The following SQSTM1 variants were observed in gnomAD, a reference collection of about 807,000 sequenced individuals.
SQSTM1 encodes sequestosome 1, also known as sequestosome-1.
SQSTM1 carries 36 observed loss-of-function variants against 45.1 expected under a neutral mutation model. That is an observed-to-expected ratio of 0.80 (90% CI 0.61 to 1.05). The LOEUF is 1.05. Ranked by LOEUF, SQSTM1 falls within the 50% of genes least tolerant of loss-of-function variation. SQSTM1 has a pLI of 0.00. For synonymous variants in SQSTM1, 290 were observed against 244.3 expected, an observed-to-expected ratio of 1.19 and a Z score of -1.74; for missense variants, 617 against 607.1, an observed-to-expected ratio of 1.02 and a Z score of -0.17.
intron 7 of SQSTM1, chr5:179,836,189 T>C (rs1758545318): frequency 1.7e-6 from 1 of 594,238 alleles, no homozygotes; most frequent in Non-Finnish European, 3.0e-6. Flanking sequence ...TCAGTGTCCA[T>C]TGATGGTTCT....
Position 179,806,914 on chromosome 5 carries a change from G to A in SQSTM1, c.-157+323G>A, listed in dbSNP as rs1300018443. ...GGCCGGGCCGGGCCGGGCTGGGCTG[G>A]GCTGGGCGGCGAGAGCCGCGGCCCG... On this transcript the variant is annotated intron_variant, in intron 1 of 5. Transcript: ENST00000514093. This position sits in a 1 kb window ranked among gnomAD's most constrained non-coding sequence, Gnocchi z 4.6. The A allele has an allele frequency of 1.3e-5, 2 of 150,736 alleles. No homozygotes were observed. The highest frequency in any genetic ancestry group is 4.8e-5 in the African/African-American group (2 of 41,240). 9.3% of individuals were successfully genotyped at this position (150,736 alleles called of 1,614,324 possible).
rs1757751804 is a variant in SQSTM1 at position 179,820,981 on chromosome 5, C to T, written c.45C>T (p.Asp15=). Reference sequence around the variant, plus strand: ...AGGCCTACCTTCTGGGCAAGGAGGACGCGGCGCGCGAGATTCGCCGCTTCA... The same window carrying T: ...AGGCCTACCTTCTGGGCAAGGAGGATGCGGCGCGCGAGATTCGCCGCTTCA... ...TVKAYLLGKE[D]AAREIRRFSF... is the part of the protein sequence containing the mutation. Residue 15 remains aspartate, a synonymous_variant, in exon 1 of 8, where the codon GAC becomes GAT. Coordinates refer to ENST00000389805, the MANE Select transcript of SQSTM1 (RefSeq NM_003900.5). 2.5e-6 allele frequency: 4 copies of T among 1,574,262 alleles called. No individual in the cohort carries two copies. In the African/African-American group the frequency reaches 4.2e-5, roughly 17 times the overall value.
intron 1 of SQSTM1, among the ~76,000 whole-genome samples, chr5:179,809,279 C>T (rs1757319235): frequency 4.0e-5 from 6 of 149,502 alleles, no homozygotes; most frequent in Admixed American, 1.3e-4. Context: ...CTGCCTCAGC[C>T]TCCCGAGTAG....
At chr5:179,817,221 C>T (rs1757609580), upstream of SQSTM1, among the ~76,000 whole-genome samples, 1 of 152,244 alleles carries the variant, frequency 6.6e-6, no homozygotes, top group South Asian at 2.1e-4. Context: ...ATCCCTTGCG[C>T]CCCGAGCTGG....
intron 1 of SQSTM1, among the ~76,000 whole-genome samples, chr5:179,809,895 C>T (rs988505525): frequency 4.0e-5 from 6 of 151,548 alleles, no homozygotes; most frequent in African/African-American, 1.5e-4. Flanking sequence ...CCACCTGCCT[C>T]AGCCTCCCAA....
upstream of SQSTM1, among the ~76,000 whole-genome samples, chr5:179,817,784 C>T (rs182589572): frequency 8.5e-4 from 130 of 152,114 alleles, no homozygotes; most frequent in South Asian, 2.9e-3. Context: ...CCGAGGTGGG[C>T]GGATCACCTG....
chr5:179,813,976 C>T (rs571950084), upstream of SQSTM1, among the ~76,000 whole-genome samples: 34 of 152,312 alleles, frequency 2.2e-4, no homozygotes, highest in African/African-American at 7.7e-4. Flanking sequence ...GGTTTACGAG[C>T]TCTCAATTCT....
chr5:179,833,744 G>A lies in SQSTM1; in HGVS notation c.1127G>A (p.Gly376Glu). The A allele has an allele frequency of 6.2e-7, 1 of 1,614,100 alleles. No individual in the cohort carries two copies. The highest frequency in any genetic ancestry group is 8.5e-7 in the Non-Finnish European group (1 of 1,180,024). Residue 376 changes from glycine to glutamate, a missense_variant, in exon 7 of 8, where the codon GGG becomes GAG. Physicochemically the swap from Gly to Glu is moderately conservative, Grantham distance 98. Coordinates refer to ENST00000389805, the MANE Select transcript of SQSTM1 (RefSeq NM_003900.5). ...GACCCCTCCCAGGAGGGACCCACAG[G>A]GCTGAAGGAAGCTGCCTTGTACCCA... Reference protein sequence around the residue: ...SLDPSQEGPTGLKEAALYPHL... With the variant: ...SLDPSQEGPTELKEAALYPHL...
chr5:179,833,284 C>T (rs1380280370), intron 6 of SQSTM1, 38 bp downstream of exon 6: 2 of 1,531,200 alleles, frequency 1.3e-6, no homozygotes, highest in Admixed American at 2.0e-5. Context: ...GGACCACGGC[C>T]AGCCTAGTGA....
chr5:179,834,509 G>A (rs1758417194), intron 7 of SQSTM1, among the ~76,000 whole-genome samples: 1 of 151,850 alleles, frequency 6.6e-6, no homozygotes, highest in Admixed American at 6.6e-5. Context: ...AAGGTCAGCA[G>A]ATAAACAAGT....
upstream of SQSTM1, chr5:179,820,819 G>C (rs1757743207): frequency 9.9e-7 from 1 of 1,015,124 alleles, no homozygotes; most frequent in South Asian, 2.1e-5. Context: ...GGCGGGGGCG[G>C]GGAGGGCGCG....
rs867275286 is a variant in SQSTM1, at chr5:179,824,299, C to T, written c.649C>T (p.Arg217Cys). ...ACGTCCTCCTCGTGCAGGGGAGGCC[C>T]GCCCTGGCCCCACGGCAGAATCAGG... ...SPRPPRAGEARPGPTAESASG... is the reference protein window; with the variant it reads ...SPRPPRAGEACPGPTAESASG... The change falls in exon 4 of 8, where the codon CGC (arginine) becomes TGC (cysteine). Residue 217 changes from arginine to cysteine, a missense_variant. Transcript: ENST00000389805. 6.2e-6 allele frequency: 10 copies of T among 1,613,534 alleles called. No homozygotes were observed. Among genetic ancestry groups the T allele is most frequent in the African/African-American group, 2.7e-5 (2 of 74,920 alleles).
At position 179,837,491 on chromosome 5, in the gene SQSTM1, C is replaced by CA; in HGVS notation, c.*899dup. On this transcript the variant is annotated 3_prime_UTR_variant, in exon 8 of 8. Coordinates refer to ENST00000389805, the MANE Select transcript of SQSTM1 (RefSeq NM_003900.5). ...CAGGACCAGGGGCCCACCCTCTGCC[C>CA]AGGGAGTCCTTGCGTCCCATGAGGT... is the stretch of plus-strand genomic sequence containing the variant. 6.2e-7 allele frequency: 1 copy of CA among 1,614,136 alleles called. No individual in the cohort carries two copies. The highest frequency in any genetic ancestry group is 1.1e-5 in the South Asian group (1 of 91,080).
rs1340669452 is a variant in SQSTM1 at position 179,824,301 on chromosome 5, C to T, written c.651C>T (p.Arg217=). The change falls in exon 4 of 8, where the codon CGC becomes CGT. Residue 217 remains arginine (R), a synonymous_variant. Transcript: ENST00000389805. ...GTCCTCCTCGTGCAGGGGAGGCCCG[C>T]CCTGGCCCCACGGCAGAATCAGGTG... ...SPRPPRAGEA[R]PGPTAESASG... 6.2e-7 allele frequency: 1 copy of T among 1,613,668 alleles called. No individual in the cohort carries two copies. The highest frequency in any genetic ancestry group is 1.7e-5 in the Admixed American group (1 of 60,030).
At chr5:179,817,319 C>T (rs1313187312), upstream of SQSTM1, among the ~76,000 whole-genome samples, 2 of 152,178 alleles carry the variant, frequency 1.3e-5, no homozygotes, top group Non-Finnish European at 2.9e-5. Flanking sequence ...TTAGACACCG[C>T]CGGGCGTTCG....
At chr5:179,818,652 C>T (rs753401978), upstream of SQSTM1, among the ~76,000 whole-genome samples, 4 of 152,222 alleles carry the variant, frequency 2.6e-5, no homozygotes, top group East Asian at 5.8e-4. Context: ...ACCTCAGCCC[C>T]CCTGCAGTCT....
Position 179,833,236 on chromosome 5 carries a change from G to A in SQSTM1, c.959G>A (p.Gly320Glu), listed in dbSNP as rs747589104. 1.9e-5 allele frequency: 30 copies of A among 1,580,782 alleles called. No homozygotes were observed. The highest frequency in any genetic ancestry group is 6.7e-5 in the African/African-American group (5 of 74,240). The change falls in exon 6 of 8, where the codon GGG (glycine) becomes GAG (glutamate). Residue 320 changes from glycine (G) to glutamate (E), a missense_variant. Coordinates refer to ENST00000389805, the MANE Select transcript of SQSTM1 (RefSeq NM_003900.5). The stretch of plus-strand genomic sequence containing the variant: ...AGGAAGATCGCCTTGGAGTCCGAGG[G>A]GCGCCCTGAGGCAAGCCTGTGCCCC... ...QMRKIALESE[G>E]RPEEQMESDN... is the part of the protein sequence containing the mutation.
chr5:179,820,308 C>G (rs1307394654), upstream of SQSTM1: 1 of 152,514 alleles, frequency 6.6e-6, no homozygotes, highest in African/African-American at 2.4e-5. Context: ...AAACTGGGAA[C>G]TTCTCTGGTG....
At chr5:179,820,892 G>T (rs1463179251), upstream of SQSTM1, 10 of 1,446,906 alleles carry the variant, frequency 6.9e-6, no homozygotes, top group African/African-American at 1.5e-5. Context: ...GCCGCGCGGC[G>T]GCTGCGACCG....
Sources: allele counts gnomAD v4.1 joint callset (sites outside exome capture counted in the v4.1 genomes callset), GRCh38; gene constraint gnomAD v4.1.1; non-coding constraint Gnocchi (gnomAD v3.1); transcripts MANE v1.5; gene names NCBI Gene and HGNC (gene_info 2026-07-23, HGNC 2026-07-21).